The following SPATA13 variants were observed in gnomAD, a reference collection of about 807,000 sequenced individuals.
The protein encoded by SPATA13 is spermatogenesis associated 13.
Under a neutral mutation model 104.0 loss-of-function variants are expected in SPATA13, and 50 were observed. The ratio of observed to expected loss-of-function variants is 0.48; its 90% CI spans 0.38 to 0.61. The LOEUF (loss-of-function observed/expected upper bound fraction) is 0.61, where lower values mean the gene tolerates loss of function less well. Ranked by LOEUF, SPATA13 falls within the 20% of genes least tolerant of loss-of-function variation. SPATA13 has a pLI of 0.00. For synonymous variants in SPATA13, 606 were observed against 667.5 expected, an observed-to-expected ratio of 0.91 and a Z score of 1.42; for missense variants, 1,524 against 1,690.6, an observed-to-expected ratio of 0.90 and a Z score of 1.73.
intron 3 of SPATA13, among the ~76,000 whole-genome samples, chr13:24,062,954 G>A (rs1303434534): frequency 2.6e-5 from 4 of 152,114 alleles, no homozygotes; most frequent in Non-Finnish European, 5.9e-5. Flanking sequence ...CTCCAAGTTC[G>A]CACAGCCAAA....
intron 2 of SPATA13, among the ~76,000 whole-genome samples, chr13:24,242,441 C>T (rs1251327593): frequency 6.6e-6 from 1 of 152,162 alleles, no homozygotes; most frequent in Non-Finnish European, 1.5e-5. Context: ...TTGCTATAAC[C>T]TATAAAGCCA....
intron 1 of SPATA13, among the ~76,000 whole-genome samples, chr13:24,170,140 A>T (rs1448281384): frequency 8.5e-5 from 13 of 152,190 alleles, no homozygotes; most frequent in Admixed American, 8.5e-4. Context: ...AGGTCAAATC[A>T]TGCTCCAGCC....
chr13:24,009,774 C>G (rs1476517793), intron 2 of SPATA13, among the ~76,000 whole-genome samples: 1 of 152,202 alleles, frequency 6.6e-6, no homozygotes, highest in Non-Finnish European at 1.5e-5. Flanking sequence ...TCTTATCAGA[C>G]TTAAGGTCTG....
chr13:24,129,560 T>C (rs1296089739), intron 3 of SPATA13, among the ~76,000 whole-genome samples: 6 of 152,202 alleles, frequency 3.9e-5, no homozygotes, highest in Non-Finnish European at 8.8e-5. Flanking sequence ...GTTTGTTATT[T>C]GGCTGAATCA....
At chr13:24,053,901 A>T (rs149485294) in intron 3 of SPATA13, among the ~76,000 whole-genome samples, 162 of 152,366 alleles carry the variant, frequency 1.1e-3, no homozygotes, top group African/African-American at 3.8e-3. Flanking sequence ...TTTTCCAAAC[A>T]TTAGTGAACT....
intron 3 of SPATA13, among the ~76,000 whole-genome samples, chr13:24,031,637 A>G (rs1048768255): frequency 3.5e-4 from 54 of 152,248 alleles, no homozygotes; most frequent in African/African-American, 1.3e-3. Flanking sequence ...ATGAACATAC[A>G]TTGAGCTTAT....
chr13:24,256,834 C>G (rs1873814860), intron 4 of SPATA13, among the ~76,000 whole-genome samples: 2 of 152,158 alleles, frequency 1.3e-5, no homozygotes, highest in Non-Finnish European at 2.9e-5. Flanking sequence ...CTTATTGGAG[C>G]CTTATCGGAG....
intron 3 of SPATA13, among the ~76,000 whole-genome samples, chr13:24,076,323 T>C (rs970651250): frequency 1.3e-5 from 2 of 152,136 alleles, no homozygotes; most frequent in Non-Finnish European, 2.9e-5. Context: ...GCCCCGTGCC[T>C]GGCAGACTCT....
At chr13:24,062,627 T>C (rs1274050022) in intron 3 of SPATA13, among the ~76,000 whole-genome samples, 1 of 152,178 alleles carries the variant, frequency 6.6e-6, no homozygotes, top group African/African-American at 2.4e-5. Flanking sequence ...GAAGTCGGGC[T>C]TCGGTGTGTC....
At chr13:24,284,039 C>T in intron 4 of SPATA13, 96 bp from the exon 5 acceptor site, 1 of 1,276,932 alleles carries the variant, frequency 7.8e-7, no homozygotes. Flanking sequence ...CAGATGATTA[C>T]CTTCCCTTGG....
At chr13:24,066,572 G>A (rs1224849826) in intron 3 of SPATA13, among the ~76,000 whole-genome samples, 2 of 152,122 alleles carry the variant, frequency 1.3e-5, no homozygotes, top group Non-Finnish European at 2.9e-5. Flanking sequence ...TTTCTCAAAG[G>A]CGGGAGTGCC....
chr13:24,242,371 C>T (rs1463969097), intron 2 of SPATA13, among the ~76,000 whole-genome samples: 2 of 152,148 alleles, frequency 1.3e-5, no homozygotes, highest in African/African-American at 4.8e-5. Context: ...GTGCAGACTG[C>T]GTGTGTGATA....
intron 2 of SPATA13, among the ~76,000 whole-genome samples, chr13:24,236,687 A>G (rs1214716304): frequency 6.6e-6 from 1 of 152,140 alleles, no homozygotes; most frequent in African/African-American, 2.4e-5. Context: ...AATTAAAACC[A>G]TGGTGAGATA....
chr13:24,090,075 G>T (rs1044918446), intron 3 of SPATA13, among the ~76,000 whole-genome samples: 2 of 152,154 alleles, frequency 1.3e-5, no homozygotes, highest in Non-Finnish European at 1.5e-5. Context: ...TTCAACACAA[G>T]AATTTTGGGA....
chr13:24,095,713 A>G (rs1326220565), intron 3 of SPATA13, among the ~76,000 whole-genome samples: 1 of 152,176 alleles, frequency 6.6e-6, no homozygotes, highest in Non-Finnish European at 1.5e-5. Context: ...TGGACTTGCA[A>G]TCTACCCTCG....
chr13:24,264,102 G>C (rs567871699), intron 4 of SPATA13, among the ~76,000 whole-genome samples: 7 of 152,094 alleles, frequency 4.6e-5, no homozygotes, highest in Admixed American at 1.3e-4. Flanking sequence ...AAGGAATATA[G>C]TGTTCTATTT....
chr13:24,204,983 A>G (rs1870624543), intron 1 of SPATA13, among the ~76,000 whole-genome samples: 1 of 152,214 alleles, frequency 6.6e-6, no homozygotes, highest in Non-Finnish European at 1.5e-5. Context: ...AGCCAATATC[A>G]TACCTAATGG....
intron 4 of SPATA13, among the ~76,000 whole-genome samples, chr13:24,260,794 G>A (rs920591133): frequency 3.3e-5 from 5 of 152,336 alleles, no homozygotes; most frequent in African/African-American, 7.2e-5. Flanking sequence ...CATAGCGGAT[G>A]CATATGGGTG....
intron 4 of SPATA13, among the ~76,000 whole-genome samples, chr13:24,267,252 T>C (rs1303983217): frequency 6.6e-6 from 1 of 152,218 alleles, no homozygotes. Flanking sequence ...TGTCCTGTAG[T>C]GCTTGGTAAT....
Sources: allele counts gnomAD v4.1 joint callset (sites outside exome capture counted in the v4.1 genomes callset), GRCh38; gene constraint gnomAD v4.1.1; transcripts MANE v1.5; gene names NCBI Gene and HGNC (gene_info 2026-07-23, HGNC 2026-07-21).